PLEKHA7: variants seen among roughly 807,000 people sequenced by gnomAD.
The protein encoded by PLEKHA7 is pleckstrin homology domain containing A7, also known as pleckstrin homology domain-containing family A member 7.
PLEKHA7 carries 104 observed loss-of-function variants against 170.0 expected under a neutral mutation model. The observed-to-expected ratio is 0.61, with a 90% CI of 0.52 to 0.72. The LOEUF (loss-of-function observed/expected upper bound fraction) is 0.72. Ranked by LOEUF, PLEKHA7 falls within the 30% of genes least tolerant of loss-of-function variation. The pLI is 0.00. For synonymous variants in PLEKHA7, 648 were observed against 660.8 expected, an observed-to-expected ratio of 0.98 and a Z score of 0.30; for missense variants, 1,615 against 1,671.7, an observed-to-expected ratio of 0.97 and a Z score of 0.59.
At chr11:16,901,503 T>G (rs1402730953) in intron 3 of PLEKHA7, among the ~76,000 whole-genome samples, 1 of 152,144 alleles carries the variant, frequency 6.6e-6, no homozygotes, top group African/African-American at 2.4e-5. Flanking sequence ...CAATATGTCT[T>G]TTCTCTTTTT....
intron 3 of PLEKHA7, among the ~76,000 whole-genome samples, chr11:16,899,419 C>T (rs550797716): frequency 6.6e-6 from 1 of 152,178 alleles, no homozygotes; most frequent in African/African-American, 2.4e-5. Context: ...ATCGCTTGAA[C>T]CTGGGAGGCG....
chr11:16,948,910 C>T (rs1432702476), intron 3 of PLEKHA7, among the ~76,000 whole-genome samples: 1 of 152,202 alleles, frequency 6.6e-6, no homozygotes, highest in Admixed American at 6.5e-5. Flanking sequence ...AGACACCTCT[C>T]TGGCCTCCTC....
chr11:16,892,436 T>A (rs1006909589), intron 3 of PLEKHA7, among the ~76,000 whole-genome samples: 3 of 90,284 alleles, frequency 3.3e-5, no homozygotes, highest in Non-Finnish European at 6.6e-5. Context: ...GTGTGTGTGT[T>A]TTGTTTTGTT....
intron 3 of PLEKHA7, among the ~76,000 whole-genome samples, chr11:16,971,676 T>C (rs1411796707): frequency 1.3e-5 from 2 of 152,248 alleles, no homozygotes; most frequent in African/African-American, 4.8e-5. Flanking sequence ...AGGAGATACA[T>C]ATTTGAATTA....
chr11:16,781,060 G>A, intron 26 of PLEKHA7: 1 of 974,704 alleles, frequency 1.0e-6, no homozygotes, highest in Non-Finnish European at 1.2e-6. Flanking sequence ...GTGCTAGATG[G>A]GGCACACAGG....
intron 3 of PLEKHA7, among the ~76,000 whole-genome samples, chr11:16,986,181 T>C (rs1468870490): frequency 1.3e-5 from 2 of 152,114 alleles, no homozygotes; most frequent in African/African-American, 4.8e-5. Flanking sequence ...TCAGGACACC[T>C]CTGAAGGCCC....
chr11:16,958,911 A>G (rs1037439406), intron 3 of PLEKHA7, among the ~76,000 whole-genome samples: 2 of 152,102 alleles, frequency 1.3e-5, no homozygotes, highest in Non-Finnish European at 2.9e-5. Context: ...TTGGAAAAAC[A>G]GAAGTGTCAA....
chr11:16,802,735 A>G (rs1848680586), intron 15 of PLEKHA7, among the ~76,000 whole-genome samples: 1 of 152,074 alleles, frequency 6.6e-6, no homozygotes, highest in African/African-American at 2.4e-5. Context: ...TTTAGTGGAG[A>G]CAGGGTTTCA....
intron 3 of PLEKHA7, among the ~76,000 whole-genome samples, chr11:17,006,953 C>T (rs767661057): frequency 6.6e-6 from 1 of 152,230 alleles, no homozygotes; most frequent in African/African-American, 2.4e-5. Context: ...AAATGGGTTG[C>T]TGAATACAAA....
intron 13 of PLEKHA7, among the ~76,000 whole-genome samples, chr11:16,805,298 G>A (rs951048280): frequency 4.6e-5 from 7 of 152,272 alleles, no homozygotes; most frequent in South Asian, 2.1e-4. Context: ...AAAAGAATGA[G>A]ATATTTTATA....
chr11:16,874,191 T>C (rs185227171), intron 3 of PLEKHA7, among the ~76,000 whole-genome samples: 19 of 152,286 alleles, frequency 1.2e-4, no homozygotes, highest in Admixed American at 7.2e-4. Flanking sequence ...TTGTACAAGA[T>C]AACTTTGTTG....
At chr11:16,933,253 A>T (rs1860067196) in intron 3 of PLEKHA7, among the ~76,000 whole-genome samples, 1 of 152,242 alleles carries the variant, frequency 6.6e-6, no homozygotes, top group African/African-American at 2.4e-5. Context: ...CCAGGCATAA[A>T]GAGGTCAGGT....
chr11:16,940,177 T>C (rs1486980058), intron 3 of PLEKHA7, among the ~76,000 whole-genome samples: 1 of 152,130 alleles, frequency 6.6e-6, no homozygotes, highest in Non-Finnish European at 1.5e-5. Flanking sequence ...GCCCTGTGTC[T>C]CTGGCCCCTA....
chr11:16,782,217 T>C (rs1237374382), intron 26 of PLEKHA7, among the ~76,000 whole-genome samples: 1 of 152,052 alleles, frequency 6.6e-6, no homozygotes, highest in East Asian at 1.9e-4. Flanking sequence ...TTTTTCCAAT[T>C]GGACTGCAAA....
rs531366697 is a variant in PLEKHA7 at position 16,906,077 on chromosome 11, A to C, written c.222-34895T>G. Among the ~76,000 whole-genome samples the C allele has an allele frequency of 1.2e-4, 19 of 152,300 alleles. No individual in the cohort carries two copies. The East Asian group carries it at 3.5e-3, about 28-fold the overall frequency. Reference sequence around the variant, plus strand: ...ACATCAGGACAGCCCTAGAAGTTCCAGCTGGCCATCTGACAAATAGCAGGA... The same window carrying C: ...ACATCAGGACAGCCCTAGAAGTTCCCGCTGGCCATCTGACAAATAGCAGGA... On this transcript the variant is annotated intron_variant, in intron 3 of 26. Transcript: ENST00000531066.
intron 3 of PLEKHA7, among the ~76,000 whole-genome samples, chr11:16,972,546 G>C (rs1421636902): frequency 6.6e-6 from 1 of 152,122 alleles, no homozygotes; most frequent in African/African-American, 2.4e-5. Context: ...AAGTAGCTGG[G>C]ACTGCTGGTG....
chr11:16,792,002 T>C (rs1847893917), intron 19 of PLEKHA7, among the ~76,000 whole-genome samples: 1 of 152,180 alleles, frequency 6.6e-6, no homozygotes, highest in African/African-American at 2.4e-5. Context: ...TTTGGTTTTG[T>C]TTTTAAGAAT....
At chr11:16,981,377 C>A (rs556677902) in intron 3 of PLEKHA7, among the ~76,000 whole-genome samples, 3 of 152,294 alleles carry the variant, frequency 2.0e-5, no homozygotes, top group African/African-American at 7.2e-5. Flanking sequence ...AGTGCTACCA[C>A]CAGGATTCCA....
intron 9 of PLEKHA7, among the ~76,000 whole-genome samples, chr11:16,838,730 T>C (rs1460440081): frequency 1.4e-5 from 2 of 144,828 alleles, no homozygotes; most frequent in African/African-American, 5.1e-5. Context: ...AGTCTCGCTC[T>C]GTTGCCCAGG....
Sources: allele counts gnomAD v4.1 joint callset (sites outside exome capture counted in the v4.1 genomes callset), GRCh38; gene constraint gnomAD v4.1.1; transcripts MANE v1.5; gene names NCBI Gene and HGNC (gene_info 2026-07-23, HGNC 2026-07-21).